HLCS: variants seen among roughly 807,000 people sequenced by gnomAD.
HLCS encodes the protein holocarboxylase synthetase.
In HLCS, 53 loss-of-function variants were observed where a neutral mutation model predicts 75.0. That is an observed-to-expected ratio of 0.71 (90% CI 0.57 to 0.89). The LOEUF (loss-of-function observed/expected upper bound fraction) is 0.89, where lower values mean the gene tolerates loss of function less well. Among genes scored for constraint, HLCS ranks in the 40% least tolerant of loss-of-function variants. The pLI is 0.00. For missense variants in HLCS, 966 were observed against 1,074.0 expected (o/e 0.90, Z 1.41); for synonymous variants, 431 against 428.6 (o/e 1.01, Z -0.07).
At chr21:36,874,359 G>A (rs959403146) in intron 6 of HLCS, among the ~76,000 whole-genome samples, 9 of 150,570 alleles carry the variant, frequency 6.0e-5, no homozygotes, top group Non-Finnish European at 1.0e-4. Context: ...CCGAGATCGC[G>A]CCACTGCACT....
Position 36,854,337 on chromosome 21 carries a change from C to A in HLCS, c.1892+42523G>T, listed in dbSNP as rs1220615243. On this transcript the variant is annotated intron_variant, in intron 6 of 10. Coordinates refer to ENST00000674895, the MANE Select transcript of HLCS (RefSeq NM_001352514.2). ...GCACCCTATTACTCTACCACAGGAA[C>A]AAAAGCTCCCGGGGTTCCCACCAGA... 2.0e-5 allele frequency among the ~76,000 whole-genome samples: 3 copies of A among 152,152 alleles called. No homozygotes were observed. The East Asian group carries it at 5.8e-4, about 29-fold the overall frequency.
intron 6 of HLCS, among the ~76,000 whole-genome samples, chr21:36,841,393 C>T (rs1239344026): frequency 6.6e-6 from 1 of 152,122 alleles, no homozygotes; most frequent in African/African-American, 2.4e-5. Context: ...ACCACGAGTA[C>T]ATTATTTATT....
intron 6 of HLCS, among the ~76,000 whole-genome samples, chr21:36,858,967 C>G (rs1162918844): frequency 6.6e-6 from 1 of 152,176 alleles, no homozygotes; most frequent in Non-Finnish European, 1.5e-5. Flanking sequence ...TTGTCATCTA[C>G]AGGCTACACC....
At chr21:36,979,992 A>C (rs2069065044) in intron 1 of HLCS, among the ~76,000 whole-genome samples, 1 of 122,214 alleles carries the variant, frequency 8.2e-6, no homozygotes, top group Admixed American at 1.1e-4. Context: ...CGCCACTTGT[A>C]CTCCAGCCTG....
At chr21:36,893,339 T>C (rs1221897503) in intron 6 of HLCS, among the ~76,000 whole-genome samples, 1 of 152,176 alleles carries the variant, frequency 6.6e-6, no homozygotes. Context: ...CCCAAAATGC[T>C]GGGATTACAG....
At chr21:36,939,773 C>G (rs1479084915) in intron 2 of HLCS, among the ~76,000 whole-genome samples, 1 of 152,166 alleles carries the variant, frequency 6.6e-6, no homozygotes, top group Non-Finnish European at 1.5e-5. Flanking sequence ...AAGAGCCCGG[C>G]GCTGCAGTCA....
At chr21:36,855,008 C>G (rs1384164979) in intron 6 of HLCS, among the ~76,000 whole-genome samples, 1 of 151,960 alleles carries the variant, frequency 6.6e-6, no homozygotes, top group Admixed American at 6.6e-5. Flanking sequence ...CACTCTGAGA[C>G]CAGATCATCT....
chr21:36,964,076 T>A (rs1329302596), intron 1 of HLCS, among the ~76,000 whole-genome samples: 1 of 151,970 alleles, frequency 6.6e-6, no homozygotes, highest in East Asian at 1.9e-4. Flanking sequence ...AATACAAAAA[T>A]TAGCCAGGCG....
intron 9 of HLCS, among the ~76,000 whole-genome samples, chr21:36,759,347 A>C (rs1466934629): frequency 6.6e-6 from 1 of 152,254 alleles, no homozygotes; most frequent in Non-Finnish European, 1.5e-5. Flanking sequence ...TGGCCCAGGA[A>C]GGTCACGATA....
intron 2 of HLCS, among the ~76,000 whole-genome samples, chr21:36,950,179 TA>T (rs56407653): frequency 0.56 from 84,949 of 150,566 alleles, 24,084 homozygotes; most frequent in East Asian, 0.64. Flanking sequence ...CATTCTGCTT[TA>T]AAAAAAAAAA....
intron 6 of HLCS, among the ~76,000 whole-genome samples, chr21:36,851,535 G>A (rs1054926477): frequency 5.3e-5 from 8 of 152,174 alleles, no homozygotes; most frequent in African/African-American, 1.2e-4. Context: ...GTAGTGGGGG[G>A]CAGGGAGGTA....
intron 5 of HLCS, among the ~76,000 whole-genome samples, chr21:36,923,497 C>T (rs1421381082): frequency 1.3e-5 from 2 of 152,222 alleles, no homozygotes; most frequent in Non-Finnish European, 1.5e-5. Flanking sequence ...ATCACCCCTT[C>T]ACCAGGCCAG....
At chr21:36,913,487 T>A (rs1279506862) in intron 5 of HLCS, among the ~76,000 whole-genome samples, 1 of 151,632 alleles carries the variant, frequency 6.6e-6, no homozygotes, top group Non-Finnish European at 1.5e-5. Flanking sequence ...TTTGGCGGGG[T>A]GTGGTGGCTC....
chr21:36,775,981 GAGA>G (rs1263630236), intron 6 of HLCS, among the ~76,000 whole-genome samples: 14 of 152,224 alleles, frequency 9.2e-5, no homozygotes, highest in African/African-American at 1.7e-4. Flanking sequence ...TTCCAAAGCT[GAGA>G]AGAAGTCCTT....
At position 36,840,358 on chromosome 21, in the gene HLCS, G is replaced by A. The variant is rs1400866767; in HGVS notation, c.1892+56502C>T. ...TTGAAGTACTGCCTTCATAACTATT[G>A]ATGGGGACTCCAAAAATATCCTCTA... On this transcript the variant is annotated intron_variant, in intron 6 of 10. Transcript: ENST00000674895. Among the ~76,000 whole-genome samples, 6 of 152,202 alleles carry A rather than the reference G, an allele frequency of 3.9e-5. No individual in the cohort carries two copies. The East Asian group carries it at 1.2e-3, about 29-fold the overall frequency.
chr21:36,775,482 T>G (rs186687242), intron 6 of HLCS, among the ~76,000 whole-genome samples: 9 of 152,308 alleles, frequency 5.9e-5, no homozygotes, highest in Admixed American at 2.0e-4. Context: ...GAAGCTTGCA[T>G]AGAGAGAAAT....
intron 5 of HLCS, among the ~76,000 whole-genome samples, chr21:36,922,066 A>T (rs938045438): frequency 4.6e-5 from 7 of 152,172 alleles, no homozygotes; most frequent in Non-Finnish European, 8.8e-5. Context: ...TTAAAAACTC[A>T]AATACCCTTA....
chr21:36,887,857 T>C (rs1222057017), intron 6 of HLCS, among the ~76,000 whole-genome samples: 1 of 152,228 alleles, frequency 6.6e-6, no homozygotes, highest in Non-Finnish European at 1.5e-5. Context: ...TCATTACCTA[T>C]GTGCACATTA....
intron 6 of HLCS, among the ~76,000 whole-genome samples, chr21:36,775,817 G>A (rs2060341298): frequency 6.6e-6 from 1 of 152,216 alleles, no homozygotes; most frequent in Admixed American, 6.5e-5. Context: ...TATTTCAGAG[G>A]ATGGACACCG....
Sources: gnomAD v4.1 joint callset for allele counts (sites outside exome capture counted in the v4.1 genomes callset) on GRCh38, gnomAD v4.1.1 for gene constraint, MANE v1.5 for transcripts, NCBI Gene and HGNC (gene_info 2026-07-23, HGNC 2026-07-21) for gene names.